Variants in IMMP2L observed in about 807,000 individuals in gnomAD.
IMMP2L encodes inner mitochondrial membrane peptidase subunit 2.
IMMP2L carries 18 observed loss-of-function variants against 19.3 expected under a neutral mutation model. That is an observed-to-expected ratio of 0.93 (90% CI 0.64 to 1.38). The LOEUF (loss-of-function observed/expected upper bound fraction) is 1.38, where lower values mean the gene tolerates loss of function less well. Among genes scored for constraint, IMMP2L ranks in the 40% most tolerant of loss-of-function variants. The pLI, the probability that IMMP2L is intolerant of heterozygous loss-of-function variation, is 0.00. For synonymous variants in IMMP2L, 76 were observed against 73.0 expected (o/e 1.04, Z -0.21); for missense variants, 233 against 218.2 (o/e 1.07, Z -0.43).
At chr7:110,751,692 T>C (rs1797728276) in intron 5 of IMMP2L, among the ~76,000 whole-genome samples, 2 of 152,046 alleles carry the variant, frequency 1.3e-5, no homozygotes, top group Non-Finnish European at 2.9e-5. Flanking sequence ...TGACTAAAGA[T>C]AGGTTTGTTT....
At chr7:111,263,076 CCTGTAAGACA>C (rs1817490116) in intron 3 of IMMP2L, among the ~76,000 whole-genome samples, 2 of 151,988 alleles carry the variant, frequency 1.3e-5, no homozygotes, top group Admixed American at 6.6e-5. Flanking sequence ...AATATAGTCC[CCTGTAAGACA>C]CTGTAAGGCC....
chr7:110,938,718 A>G, intron 4 of IMMP2L, among the ~76,000 whole-genome samples: 1 of 152,042 alleles, frequency 6.6e-6, no homozygotes, highest in East Asian at 1.9e-4. Context: ...CTGCACTTTT[A>G]CCCCCTAAAT....
intron 3 of IMMP2L, among the ~76,000 whole-genome samples, chr7:111,107,472 A>G (rs925814103): frequency 6.6e-6 from 1 of 152,028 alleles, no homozygotes; most frequent in Non-Finnish European, 1.5e-5. Context: ...GTATACTTAT[A>G]TTAAAGCCAT....
At chr7:111,386,377 G>A (rs1013965663) in intron 3 of IMMP2L, among the ~76,000 whole-genome samples, 2 of 152,060 alleles carry the variant, frequency 1.3e-5, no homozygotes. Context: ...TACTTTGTAT[G>A]ACTGGTTTTC....
At position 111,228,418 on chromosome 7, in the gene IMMP2L, TA is replaced by T. The variant is rs1158147040; in HGVS notation, c.239+258819del. Among the ~76,000 whole-genome samples the T allele has an allele frequency of 2.6e-5, 4 of 151,798 alleles. No homozygotes were observed. The East Asian group carries it at 5.8e-4, about 22-fold the overall frequency. The stretch of plus-strand genomic sequence containing the variant: ...GAGACTCAAAAAGAAAAACTTTTAT[TA>T]AAAAAAATCAAAGGTGTCAAATCTG... On this transcript the variant is annotated intron_variant, in intron 3 of 5. Coordinates refer to ENST00000405709, the MANE Select transcript of IMMP2L (RefSeq NM_032549.4).
intron 2 of IMMP2L, among the ~76,000 whole-genome samples, chr7:111,498,300 A>G (rs1373443633): frequency 1.3e-5 from 2 of 152,176 alleles, no homozygotes; most frequent in East Asian, 1.9e-4. Context: ...CTAATTAACC[A>G]TATCAGAAAT....
chr7:111,503,772 C>G (rs796146597), intron 2 of IMMP2L, among the ~76,000 whole-genome samples: 95 of 151,090 alleles, frequency 6.3e-4, no homozygotes, highest in African/African-American at 1.3e-3. Flanking sequence ...ATTCAACAAC[C>G]CTTCATGCTA....
At chr7:111,081,116 C>G (rs1195448749) in intron 3 of IMMP2L, among the ~76,000 whole-genome samples, 2 of 152,106 alleles carry the variant, frequency 1.3e-5, no homozygotes, top group South Asian at 2.1e-4. Context: ...AAATTTAGGG[C>G]CTTTTTAGTG....
intron 5 of IMMP2L, among the ~76,000 whole-genome samples, chr7:110,800,303 G>C (rs1230996660): frequency 6.6e-6 from 1 of 152,022 alleles, no homozygotes; most frequent in Non-Finnish European, 1.5e-5. Flanking sequence ...ACAATACAGA[G>C]AGCAAATTAT....
intron 3 of IMMP2L, among the ~76,000 whole-genome samples, chr7:111,416,975 T>C (rs754396899): frequency 1.2e-4 from 18 of 151,740 alleles, no homozygotes; most frequent in Non-Finnish European, 2.5e-4. Context: ...ACTACATGTA[T>C]CTATTTAAAC....
At chr7:111,049,118 CTTTT>C (rs1181540031) in intron 3 of IMMP2L, among the ~76,000 whole-genome samples, 1 of 28,100 alleles carries the variant, frequency 3.6e-5, no homozygotes, top group African/African-American at 7.6e-5. Flanking sequence ...TATGATACTT[CTTTT>C]TTTTTTTTTT....
rs1006760741 is a variant in IMMP2L, at chr7:110,870,329, G to A, written c.408+16264C>T. ...TTATTTCTGAACCAGAAGGCATCGC[G>A]AGTGCTAAACTCACTCACAGAACAG... On this transcript the variant is annotated intron_variant, in intron 5 of 5. Coordinates refer to ENST00000405709, the MANE Select transcript of IMMP2L (RefSeq NM_032549.4). This position sits in a 1 kb window ranked among gnomAD's most constrained non-coding sequence, Gnocchi z 4.2. Among the ~76,000 whole-genome samples the A allele has an allele frequency of 2.0e-5, 3 of 151,994 alleles. No individual in the cohort carries two copies. Among genetic ancestry groups the A allele is most frequent in the Non-Finnish European group, 2.9e-5 (2 of 68,004 alleles).
chr7:111,506,317 A>T (rs1015772905), intron 2 of IMMP2L, among the ~76,000 whole-genome samples: 2 of 152,136 alleles, frequency 1.3e-5, no homozygotes, highest in African/African-American at 4.8e-5. Context: ...CCATTTTAGT[A>T]CAAGTTAATT....
chr7:110,817,718 C>T (rs188880974), intron 5 of IMMP2L, among the ~76,000 whole-genome samples: 70 of 152,184 alleles, frequency 4.6e-4, no homozygotes, highest in African/African-American at 1.4e-3. Flanking sequence ...AACTATACTA[C>T]GAGGCTACAG....
At chr7:110,967,985 G>A (rs1415703503) in intron 3 of IMMP2L, among the ~76,000 whole-genome samples, 1 of 151,982 alleles carries the variant, frequency 6.6e-6, no homozygotes, top group Non-Finnish European at 1.5e-5. Flanking sequence ...CTCTTCCTCT[G>A]CTTCTTTTAA....
At chr7:111,468,146 G>A (rs1457015100) in intron 3 of IMMP2L, among the ~76,000 whole-genome samples, 1 of 151,912 alleles carries the variant, frequency 6.6e-6, no homozygotes, top group Admixed American at 6.6e-5. Context: ...ATTACCTCAG[G>A]GGATCTATTG....
At chr7:110,706,319 G>C (rs1308360783) in intron 5 of IMMP2L, among the ~76,000 whole-genome samples, 1 of 152,086 alleles carries the variant, frequency 6.6e-6, no homozygotes, top group Non-Finnish European at 1.5e-5. Context: ...GCCAAGGCTG[G>C]TCTTGAACTC....
intron 4 of IMMP2L, among the ~76,000 whole-genome samples, chr7:110,950,702 A>G (rs1010421726): frequency 6.6e-6 from 1 of 151,658 alleles, no homozygotes; most frequent in Non-Finnish European, 1.5e-5. Context: ...AGAATGATAT[A>G]GTAATGGTGT....
At chr7:111,212,628 G>C (rs1811450992) in intron 3 of IMMP2L, among the ~76,000 whole-genome samples, 1 of 151,986 alleles carries the variant, frequency 6.6e-6, no homozygotes, top group South Asian at 2.1e-4. Context: ...CCAAAAAAAA[G>C]GGGGGGTGGC....
Sources: gnomAD v4.1 joint callset for allele counts (sites outside exome capture counted in the v4.1 genomes callset) on GRCh38, gnomAD v4.1.1 for gene constraint, Gnocchi (gnomAD v3.1) non-coding constraint, MANE v1.5 for transcripts, NCBI Gene and HGNC (gene_info 2026-07-23, HGNC 2026-07-21) for gene names.